ZNF143: variants seen among roughly 807,000 people sequenced by gnomAD.
The protein encoded by ZNF143 is SPH-binding factor.
Under a neutral mutation model 74.1 loss-of-function variants are expected in ZNF143, and 49 were observed. That is an observed-to-expected ratio of 0.66 (90% CI 0.53 to 0.84). ZNF143 has a LOEUF of 0.84. Ranked by LOEUF, ZNF143 falls within the 40% of genes least tolerant of loss-of-function variation. The pLI is 0.00. For synonymous variants in ZNF143, 304 were observed against 282.8 expected (o/e 1.07, Z -0.75); for missense variants, 637 against 793.4 (o/e 0.80, Z 2.37).
chr11:9,473,795 T>G (rs1402579119), intron 3 of ZNF143, 146 bp from the exon 4 acceptor site: 1 of 1,558,682 alleles, frequency 6.4e-7, no homozygotes, highest in African/African-American at 1.4e-5. Context: ...GATGTGTTAT[T>G]GAATTGCCTC....
chr11:9,478,986 A>C (rs1168917222), intron 6 of ZNF143, among the ~76,000 whole-genome samples: 1 of 152,204 alleles, frequency 6.6e-6, no homozygotes, highest in Non-Finnish European at 1.5e-5. Flanking sequence ...TAAAAGAAAT[A>C]ATAAAGTGTA....
chr11:9,520,526 CTCATGCCTGTAA>C (rs1025983505), intron 14 of ZNF143, among the ~76,000 whole-genome samples: 1 of 151,970 alleles, frequency 6.6e-6, no homozygotes, highest in Non-Finnish European at 1.5e-5. Flanking sequence ...GGCACAGTGG[CTCATGCCTGTAA>C]TCCCAGGAAT....
chr11:9,479,954 T>C (rs1590534053), intron 7 of ZNF143, among the ~76,000 whole-genome samples: 2 of 152,322 alleles, frequency 1.3e-5, no homozygotes, highest in East Asian at 3.9e-4. Flanking sequence ...AATTTCTTCT[T>C]CTTCCAGCTG....
intron 1 of ZNF143, among the ~76,000 whole-genome samples, chr11:9,467,469 C>A (rs1359204075): frequency 1.3e-5 from 2 of 151,882 alleles, no homozygotes; most frequent in Admixed American, 6.6e-5. Context: ...CTCCTGACTT[C>A]AGGTGATCCA....
intron 14 of ZNF143, among the ~76,000 whole-genome samples, chr11:9,523,821 G>A (rs1025401329): frequency 2.6e-5 from 4 of 152,020 alleles, no homozygotes; most frequent in African/African-American, 4.8e-5. Context: ...GCCGAGGCGG[G>A]TGGATCGCCT....
At chr11:9,527,381 T>C in intron 15 of ZNF143, 149 bp from the exon 16 acceptor site, 1 of 675,870 alleles carries the variant, frequency 1.5e-6, no homozygotes, top group South Asian at 1.9e-5. Context: ...TTTGTTCTCT[T>C]AATGTTTGAG....
chr11:9,472,511 C>G (rs1389295923), intron 2 of ZNF143, among the ~76,000 whole-genome samples, 166 bp from the exon 3 acceptor site: 3 of 152,172 alleles, frequency 2.0e-5, no homozygotes, highest in African/African-American at 7.2e-5. Context: ...CTTGGCCTCC[C>G]AAAGTGCCGT....
intron 14 of ZNF143, among the ~76,000 whole-genome samples, chr11:9,517,690 T>G (rs1005528212): frequency 6.6e-6 from 1 of 152,216 alleles, no homozygotes; most frequent in Non-Finnish European, 1.5e-5. Context: ...ACTGTTCTTG[T>G]ACTGTGCTAA....
intron 12 of ZNF143, among the ~76,000 whole-genome samples, chr11:9,509,517 T>A (rs923125641): frequency 6.6e-6 from 1 of 152,232 alleles, no homozygotes; most frequent in Non-Finnish European, 1.5e-5. Context: ...GAAGTCGGTT[T>A]TTCTAAAACA....
At chr11:9,503,218 A>T (rs1369520995) in intron 11 of ZNF143, among the ~76,000 whole-genome samples, 4 of 147,462 alleles carry the variant, frequency 2.7e-5, no homozygotes, top group Non-Finnish European at 4.6e-5. Context: ...CATTATATGG[A>T]TGTACTACAT....
intron 12 of ZNF143, among the ~76,000 whole-genome samples, chr11:9,509,890 C>G (rs371980703): frequency 6.6e-6 from 1 of 151,096 alleles, no homozygotes; most frequent in African/African-American, 2.4e-5. Context: ...GGAATAAGTT[C>G]TGGAGATCTG....
Position 9,471,283 on chromosome 11 carries a change from GTCTT to G in ZNF143, c.-7-17_-7-14del, listed in dbSNP as rs751611009. The G allele has an allele frequency of 6.4e-7, 1 of 1,566,092 alleles. No individual in the cohort carries two copies. The highest frequency in any genetic ancestry group is 1.9e-5 in the Admixed American group (1 of 52,612). ...CATGTATCATTCTTTGTTCCCAAGT[GTCTT>G]TATTTTTCTTCAAGGTAGAAGATGT... On this transcript the variant is annotated splice_polypyrimidine_tract_variant and intron_variant, in intron 1 of 15. Coordinates refer to ENST00000396602, the MANE Select transcript of ZNF143 (RefSeq NM_003442.6).
At chr11:9,484,929 C>G (rs12276518) in intron 7 of ZNF143, among the ~76,000 whole-genome samples, 1,590 of 149,660 alleles carry the variant, frequency 0.011, 72 homozygotes, top group African/African-American at 0.038. Context: ...TCCTGCATAG[C>G]TGGGACTACA....
Position 9,487,840 on chromosome 11 carries a change from C to A in ZNF143, c.646-6806C>A, listed in dbSNP as rs182899728. On this transcript the variant is annotated intron_variant, in intron 7 of 15. Transcript: ENST00000396602. ...TCTTTGACAGAGACTGCACATATCT[C>A]ATGCTGCATAACCCTGAAATACCTG... Among the ~76,000 whole-genome samples, 5 of 152,312 alleles carry A rather than the reference C, an allele frequency of 3.3e-5. No homozygotes were observed. In the East Asian group the frequency reaches 7.7e-4, roughly 23 times the overall value.
intron 1 of ZNF143, among the ~76,000 whole-genome samples, chr11:9,463,551 G>T (rs1045380543): frequency 1.3e-5 from 2 of 152,170 alleles, no homozygotes; most frequent in African/African-American, 4.8e-5. Flanking sequence ...CATTTTTTCT[G>T]TGCCTAACGA....
intron 1 of ZNF143, among the ~76,000 whole-genome samples, chr11:9,469,664 T>A (rs181442564): frequency 3.9e-4 from 59 of 152,106 alleles, no homozygotes; most frequent in African/African-American, 1.0e-3. Flanking sequence ...ACCTAAAAGG[T>A]CACCCCTTGA....
At chr11:9,521,567 TTTTG>T (rs1366071898) in intron 14 of ZNF143, among the ~76,000 whole-genome samples, 1 of 151,836 alleles carries the variant, frequency 6.6e-6, no homozygotes, top group African/African-American at 2.4e-5. Context: ...GGAGGTTTTT[TTTTG>T]TTTTTTTTTT....
At chr11:9,462,661 G>C (rs1012658613) in intron 1 of ZNF143, among the ~76,000 whole-genome samples, 2 of 152,076 alleles carry the variant, frequency 1.3e-5, no homozygotes, top group Non-Finnish European at 2.9e-5. Context: ...ATCACCTGAG[G>C]TCAGGAGTTC....
intron 5 of ZNF143, 93 bp downstream of exon 5, chr11:9,474,726 G>T (rs1856780255): frequency 8.1e-7 from 1 of 1,239,118 alleles, no homozygotes; most frequent in African/African-American, 1.5e-5. Flanking sequence ...TTGTTGTCAT[G>T]GGAAAGAATT....
Sources: allele counts gnomAD v4.1 joint callset (sites outside exome capture counted in the v4.1 genomes callset), GRCh38; gene constraint gnomAD v4.1.1; transcripts MANE v1.5; gene names NCBI Gene and HGNC (gene_info 2026-07-23, HGNC 2026-07-21).